SCAMP1: variants seen among roughly 807,000 people sequenced by gnomAD.
SCAMP1 encodes the protein secretory carrier-associated membrane protein 1.
A neutral mutation model predicts 41.8 loss-of-function variants in SCAMP1; 15 were observed. The observed-to-expected ratio is 0.36, with a 90% CI of 0.24 to 0.55. The LOEUF is 0.55. Among genes scored for constraint, SCAMP1 ranks in the 20% least tolerant of loss-of-function variants. SCAMP1 has a pLI of 0.86. For synonymous variants in SCAMP1, 135 were observed against 136.8 expected, an observed-to-expected ratio of 0.99 and a Z score of 0.09; for missense variants, 341 against 412.6, an observed-to-expected ratio of 0.83 and a Z score of 1.50.
At chr5:78,473,656 T>G (rs1417808863) in intron 8 of SCAMP1, among the ~76,000 whole-genome samples, 1 of 152,120 alleles carries the variant, frequency 6.6e-6, no homozygotes, top group Non-Finnish European at 1.5e-5. Context: ...GTCCCCAATA[T>G]CTATCGTTGC....
At chr5:78,395,697 G>T (rs1031685948) in intron 2 of SCAMP1, among the ~76,000 whole-genome samples, 1 of 152,210 alleles carries the variant, frequency 6.6e-6, no homozygotes, top group Non-Finnish European at 1.5e-5. Flanking sequence ...CTATCAGCTG[G>T]AGGCCAACCA....
At chr5:78,360,811 T>A in intron 1 of SCAMP1, 83 bp downstream of exon 1, 1 of 1,377,544 alleles carries the variant, frequency 7.3e-7, no homozygotes, top group Non-Finnish European at 1.0e-6. Context: ...GCCCACTGCG[T>A]CTGCCCCTCG....
intron 7 of SCAMP1, among the ~76,000 whole-genome samples, chr5:78,458,587 A>T (rs907617605): frequency 2.0e-5 from 3 of 152,094 alleles, no homozygotes; most frequent in Non-Finnish European, 2.9e-5. Flanking sequence ...ATAAACATTT[A>T]AAAAAATGTA....
At chr5:78,424,693 C>T (rs1242393118) in intron 6 of SCAMP1, among the ~76,000 whole-genome samples, 2 of 152,056 alleles carry the variant, frequency 1.3e-5, no homozygotes, top group Non-Finnish European at 2.9e-5. Flanking sequence ...GCACTCCAGC[C>T]TGGGCGACAG....
chr5:78,416,136 A>G lies in SCAMP1; in HGVS notation c.235-405A>G, dbSNP rs1046914955. ...AATATTCTTGCATTGGTGGCCTTAT[A>G]TATCATTTAATCTGATTAATAGGAG... is the stretch of plus-strand genomic sequence containing the variant. On this transcript the variant is annotated intron_variant, in intron 3 of 8. Transcript: ENST00000621999. Among the ~76,000 whole-genome samples, 28 of 152,326 alleles carry G rather than the reference A, an allele frequency of 1.8e-4. 1 individual carries two copies. The highest frequency in any genetic ancestry group is 2.6e-4 in the Non-Finnish European group (18 of 68,026).
At position 78,430,218 on chromosome 5, in the gene SCAMP1, GTATT is replaced by G. The variant is rs1209320183; in HGVS notation, c.632+8266_632+8269del. On this transcript the variant is annotated intron_variant, in intron 6 of 8. Coordinates refer to ENST00000621999, the MANE Select transcript of SCAMP1 (RefSeq NM_004866.6). ...AATACAGTATTTATTTATAAATACA[GTATT>G]TATTTATAAATACAGTATTTATTTA... Among the ~76,000 whole-genome samples, 34 of 65,104 alleles carry G rather than the reference GTATT, an allele frequency of 5.2e-4. 5 individuals carry two copies. Among genetic ancestry groups the G allele is most frequent in the African/African-American group, 3.5e-3 (33 of 9,406 alleles). 42.7% of individuals were successfully genotyped at this position (65,104 alleles called of 152,430 possible). A position where few individuals can be genotyped will look rare whatever the true frequency, so the allele number is the denominator to read the frequency against.
intron 2 of SCAMP1, among the ~76,000 whole-genome samples, chr5:78,404,453 G>GTTTTTTTTTTTTTTTTTTTTTTTTTTTTT (rs3058233): frequency 1.9e-4 from 19 of 98,176 alleles, no homozygotes; most frequent in African/African-American, 8.5e-4. Context: ...AGCCTTACAG[G>GTTTTTTTTTTTTTTTTTTTTTTTTTTTTT]TTTTTTTTTT....
intron 2 of SCAMP1, among the ~76,000 whole-genome samples, chr5:78,413,099 T>A (rs914948525): frequency 1.3e-5 from 2 of 152,222 alleles, no homozygotes; most frequent in African/African-American, 4.8e-5. Flanking sequence ...TTTTAGATCA[T>A]GAATTTACCT....
At chr5:78,404,671 T>C (rs1182519380) in intron 2 of SCAMP1, among the ~76,000 whole-genome samples, 2 of 152,098 alleles carry the variant, frequency 1.3e-5, no homozygotes, top group Non-Finnish European at 2.9e-5. Flanking sequence ...TTGGCTGCAG[T>C]TGGGTATTTC....
At chr5:78,397,229 A>G (rs1267387920) in intron 2 of SCAMP1, among the ~76,000 whole-genome samples, 2 of 152,224 alleles carry the variant, frequency 1.3e-5, no homozygotes, top group African/African-American at 4.8e-5. Flanking sequence ...GGATAATCCA[A>G]TGGGAAAGAA....
intron 8 of SCAMP1, among the ~76,000 whole-genome samples, chr5:78,467,796 C>T (rs937228840): frequency 6.6e-6 from 1 of 152,150 alleles, no homozygotes; most frequent in African/African-American, 2.4e-5. Flanking sequence ...TAATAGCAGG[C>T]ATTTCTCTTG....
At chr5:78,412,920 A>G (rs1752116623) in intron 2 of SCAMP1, among the ~76,000 whole-genome samples, 2 of 152,200 alleles carry the variant, frequency 1.3e-5, no homozygotes, top group Non-Finnish European at 2.9e-5. Context: ...TTAATTTGAC[A>G]GATACTTACT....
intron 2 of SCAMP1, 122 bp downstream of exon 2, chr5:78,389,036 T>G: frequency 5.8e-6 from 3 of 520,226 alleles, no homozygotes; most frequent in Non-Finnish European, 1.0e-5. Context: ...ATGTTTTATT[T>G]AGTATTCAGC....
intron 1 of SCAMP1, among the ~76,000 whole-genome samples, chr5:78,361,369 A>G (rs1286831039): frequency 6.6e-6 from 1 of 152,190 alleles, no homozygotes; most frequent in Non-Finnish European, 1.5e-5. Flanking sequence ...AAAAATAAAC[A>G]TATCTGGAAA....
intron 1 of SCAMP1, among the ~76,000 whole-genome samples, chr5:78,371,187 A>G (rs987116540): frequency 2.6e-5 from 4 of 152,044 alleles, no homozygotes; most frequent in Admixed American, 6.6e-5. Flanking sequence ...CAAATTACCT[A>G]TTTTTTGTTG....
chr5:78,460,592 G>GT lies in SCAMP1; in HGVS notation c.852+1240dup, dbSNP rs762664491. 6.4e-3 allele frequency among the ~76,000 whole-genome samples: 565 copies of GT among 88,842 alleles called. 2 individuals carry two copies. The highest frequency in any genetic ancestry group is 9.1e-3 in the Non-Finnish European group (381 of 41,782). The allele number at this position is 88,842 out of a possible 152,430, so 58.3% of individuals were successfully genotyped here. ...TATCCTTTGCCTACTTTTTAATGGG[G>GT]TTTTTTTTTTCTTGTTGATTTGTTT... On this transcript the variant is annotated intron_variant, in intron 8 of 8. Coordinates refer to ENST00000621999, the MANE Select transcript of SCAMP1 (RefSeq NM_004866.6).
At chr5:78,458,096 G>C (rs963232976) in intron 7 of SCAMP1, 1 of 154,528 alleles carries the variant, frequency 6.5e-6, no homozygotes, top group Admixed American at 6.5e-5. Context: ...GCACTCCCTA[G>C]TGAGATGAAC....
At chr5:78,467,367 G>A (rs945878075) in intron 8 of SCAMP1, among the ~76,000 whole-genome samples, 3 of 152,142 alleles carry the variant, frequency 2.0e-5, no homozygotes, top group Non-Finnish European at 2.9e-5. Context: ...TGTTTATTCT[G>A]TAGCTGTTCT....
chr5:78,371,101 T>C (rs1750933628), intron 1 of SCAMP1, among the ~76,000 whole-genome samples: 1 of 152,202 alleles, frequency 6.6e-6, no homozygotes, highest in Admixed American at 6.5e-5. Context: ...TGACTTTTTT[T>C]CCCATTTTCT....
Sources: allele counts gnomAD v4.1 joint callset (sites outside exome capture counted in the v4.1 genomes callset), GRCh38; gene constraint gnomAD v4.1.1; transcripts MANE v1.5; gene names NCBI Gene and HGNC (gene_info 2026-07-23, HGNC 2026-07-21).